Variants in RNMT observed in about 807,000 individuals in gnomAD.
The protein encoded by RNMT is RNA guanine-7 methyltransferase.
RNMT carries 27 observed loss-of-function variants against 56.0 expected under a neutral mutation model. That is an observed-to-expected ratio of 0.48 (90% CI 0.36 to 0.67). RNMT has a LOEUF of 0.67. Among genes scored for constraint, RNMT ranks in the 30% least tolerant of loss-of-function variants. The pLI is 0.00. For missense variants in RNMT, 519 were observed against 552.1 expected, an observed-to-expected ratio of 0.94 and a Z score of 0.60; for synonymous variants, 184 against 176.2, an observed-to-expected ratio of 1.04 and a Z score of -0.35.
rs139651273 is a variant in RNMT, at chr18:13,742,436, C to T, written c.975-52C>T. 904 of 1,540,558 alleles carry T rather than the reference C, an allele frequency of 5.9e-4. 3 individuals are homozygous for T. The highest frequency in any genetic ancestry group is 7.6e-4 in the Non-Finnish European group (855 of 1,121,608). On this transcript the variant is annotated intron_variant, in intron 7 of 11. Coordinates refer to ENST00000383314, the MANE Select transcript of RNMT (RefSeq NM_003799.3). ...GCATAATCTGATCAAAATAAGTCTA[C>T]ACTAATCACAATTTTAATCTTTTTA...
intron 3 of RNMT, among the ~76,000 whole-genome samples, chr18:13,733,857 A>T (rs932612028): frequency 1.8e-4 from 28 of 152,238 alleles, no homozygotes; most frequent in African/African-American, 6.5e-4. Flanking sequence ...ATTGACACTA[A>T]AATTAATGCA....
At chr18:13,753,830 C>CACACAG (rs756325583) in intron 10 of RNMT, among the ~76,000 whole-genome samples, 3 of 145,980 alleles carry the variant, frequency 2.1e-5, no homozygotes, top group African/African-American at 7.5e-5. Flanking sequence ...CACACACACA[C>CACACAG]ACACACACAC....
intron 9 of RNMT, among the ~76,000 whole-genome samples, chr18:13,749,706 A>T (rs570366316): frequency 3.9e-5 from 6 of 152,300 alleles, no homozygotes; most frequent in African/African-American, 1.2e-4. Context: ...TTTGATTTGC[A>T]TGTATCTGGT....
intron 2 of RNMT, 58 bp from the exon 3 acceptor site, chr18:13,731,418 A>AG: frequency 1.0e-6 from 1 of 987,530 alleles, no homozygotes; most frequent in Non-Finnish European, 1.5e-6. Context: ...CAAAAAAAAA[A>AG]AAAATTGTTT....
Position 13,761,866 on chromosome 18 carries a change from C to G in RNMT, c.*1887C>G. 1.7e-6 allele frequency: 2 copies of G among 1,170,970 alleles called. No individual in the cohort carries two copies. Among genetic ancestry groups the G allele is most frequent in the Non-Finnish European group, 2.1e-6 (2 of 946,430 alleles). 72.5% of individuals were successfully genotyped at this position (1,170,970 alleles called of 1,614,324 possible). On this transcript the variant is annotated 3_prime_UTR_variant, in exon 12 of 12. Transcript: ENST00000383314. Reference sequence around the variant, plus strand: ...ACACCCCCCTCCCCCCGGCCCCAAGCCCCTGTGTCTCCTTGTTACAATTAA... The same window carrying G: ...ACACCCCCCTCCCCCCGGCCCCAAGGCCCTGTGTCTCCTTGTTACAATTAA...
rs191407962 is a variant in RNMT, at chr18:13,747,252, C to T, written c.1257+915C>T. Among the ~76,000 whole-genome samples, 181 of 148,782 alleles carry T rather than the reference C, an allele frequency of 1.2e-3. 3 individuals are homozygous for T. The East Asian group carries it at 0.023, about 19-fold the overall frequency. ...TTTTTTGTTGTTAATGACAGGATCTCGCTCTGTTGCCCAGGCTGGAGTGCA... is the reference window on the plus strand; with the variant it reads ...TTTTTTGTTGTTAATGACAGGATCTTGCTCTGTTGCCCAGGCTGGAGTGCA... On this transcript the variant is annotated intron_variant, in intron 9 of 11. Coordinates refer to ENST00000383314, the MANE Select transcript of RNMT (RefSeq NM_003799.3).
chr18:13,731,884 A>C lies in RNMT; in HGVS notation c.367A>C (p.Thr123Pro). 1 of 1,604,418 alleles carries C rather than the reference A, an allele frequency of 6.2e-7. No individual in the cohort carries two copies. The change falls in exon 3 of 12, where the codon ACT becomes CCT. Residue 123 changes from threonine to proline, a missense_variant. Transcript: ENST00000383314. Reference sequence around the variant, plus strand: ...AGATAAATCTTCTACTGGAGATGGCACTCAAAATAAGAGAAAAATAGCACT... The same window carrying C: ...AGATAAATCTTCTACTGGAGATGGCCCTCAAAATAAGAGAAAAATAGCACT... ...PKDKSSTGDG[T>P]QNKRKIALED...
chr18:13,731,734 T>G lies in RNMT; in HGVS notation c.217T>G (p.Cys73Gly), dbSNP rs770201986. The G allele has an allele frequency of 3.0e-5, 48 of 1,613,024 alleles. No homozygotes were observed. Among genetic ancestry groups the G allele is most frequent in the Non-Finnish European group, 3.1e-5 (36 of 1,179,772 alleles). The change falls in exon 3 of 12, where the codon TGT becomes GGT. Residue 73 changes from cysteine to glycine, a missense_variant. By Grantham distance (159) the Cys-to-Gly change is radical. Transcript: ENST00000383314. ...TGATCTTGTAAAGGAAAGTTCTAGT[T>G]GTGGGAAAGACACTCCATCCAAGAA... ...EDDLVKESSSCGKDTPSKKRK... is the reference protein window; with the variant it reads ...EDDLVKESSSGGKDTPSKKRK...
chr18:13,754,143 T>C lies in RNMT; in HGVS notation c.1389T>C (p.Ala463=). Residue 463 remains alanine, a synonymous_variant, in exon 11 of 12, where the codon GCT becomes GCC. Coordinates refer to ENST00000383314, the MANE Select transcript of RNMT (RefSeq NM_003799.3). ...LGTLSKSEWE[A]TSIYLVFAFE... ...CCTTAAGTAAATCAGAATGGGAAGC[T>C]ACAAGTGAGTATATCATCAGCATAG... is the stretch of plus-strand genomic sequence containing the variant. 1 of 1,564,926 alleles carries C rather than the reference T, an allele frequency of 6.4e-7. No individual in the cohort carries two copies. The highest frequency in any genetic ancestry group is 8.8e-7 in the Non-Finnish European group (1 of 1,137,068).
At position 13,760,952 on chromosome 18, in the gene RNMT, T is replaced by C. The variant is rs2044611970; in HGVS notation, c.*973T>C. ...CTGACTGCTTTTCCAAAACTGGTAC[T>C]TATGTGAACTGTTGTCCTTGCTTTA... On this transcript the variant is annotated 3_prime_UTR_variant, in exon 12 of 12. Coordinates refer to ENST00000383314, the MANE Select transcript of RNMT (RefSeq NM_003799.3). 1 of 985,468 alleles carries C rather than the reference T, an allele frequency of 1.0e-6. No individual in the cohort carries two copies. The allele number at this position is 985,468 out of a possible 1,614,324, so 61.0% of individuals were successfully genotyped here. A position where few individuals can be genotyped will look rare whatever the true frequency, so the allele number is the denominator to read the frequency against.
intron 5 of RNMT, among the ~76,000 whole-genome samples, chr18:13,738,801 A>G (rs1484836416): frequency 6.6e-6 from 1 of 152,236 alleles, no homozygotes; most frequent in African/African-American, 2.4e-5. Context: ...TTGGCAACAA[A>G]TACACTGTCC....
intron 7 of RNMT, 35 bp from the exon 8 acceptor site, chr18:13,742,453 A>G (rs756404853): frequency 6.3e-7 from 1 of 1,597,966 alleles, no homozygotes. Context: ...CACAATTTTA[A>G]TCTTTTTATT....
chr18:13,731,635 G>A lies in RNMT; in HGVS notation c.118G>A (p.Gly40Arg), dbSNP rs201601149. ...FNINENTTAS[G>R]TGLSEKTSVC... ...TATTAATGAAAACACAACAGCTTCT[G>A]GGACTGGGCTTTCTGAAAAGACTTC... Residue 40 changes from glycine to arginine, a missense_variant, in exon 3 of 12, where the codon GGG (glycine) becomes AGG (arginine). Transcript: ENST00000383314. 1.2e-6 allele frequency: 2 copies of A among 1,614,044 alleles called. No homozygotes were observed. The highest frequency in any genetic ancestry group is 1.7e-6 in the Non-Finnish European group (2 of 1,179,984).
At chr18:13,733,261 T>G (rs1207832167) in intron 3 of RNMT, among the ~76,000 whole-genome samples, 5 of 152,132 alleles carry the variant, frequency 3.3e-5, no homozygotes. Context: ...TATCATGGCA[T>G]TTTTACAGGA....
Position 13,761,838 on chromosome 18 carries a change from C to A in RNMT, c.*1859C>A. On this transcript the variant is annotated 3_prime_UTR_variant, in exon 12 of 12. Transcript: ENST00000383314. ...GCCTTATCAGTTCTTCCTCCACCAC[C>A]CTACACCCCCCTCCCCCCGGCCCCA... 1 of 1,342,668 alleles carries A rather than the reference C, an allele frequency of 7.4e-7. No individual in the cohort carries two copies. The highest frequency in any genetic ancestry group is 1.6e-5 in the South Asian group (1 of 63,822). 83.2% of individuals were successfully genotyped at this position (1,342,668 alleles called of 1,614,324 possible). A position where few individuals can be genotyped will look rare whatever the true frequency, so the allele number is the denominator to read the frequency against.
intron 4 of RNMT, among the ~76,000 whole-genome samples, chr18:13,736,311 T>C (rs1471767100): frequency 6.6e-6 from 1 of 152,176 alleles, no homozygotes; most frequent in Non-Finnish European, 1.5e-5. Context: ...CAGTATTGTA[T>C]CAAGTTTTAG....
At chr18:13,727,950 C>T (rs530150519) in intron 1 of RNMT, among the ~76,000 whole-genome samples, 32 of 152,264 alleles carry the variant, frequency 2.1e-4, no homozygotes, top group African/African-American at 7.5e-4. Flanking sequence ...ACTAATATTC[C>T]ATTGTGTATA....
At chr18:13,743,717 A>T (rs572824197) in intron 8 of RNMT, among the ~76,000 whole-genome samples, 39 of 152,040 alleles carry the variant, frequency 2.6e-4, no homozygotes, top group Admixed American at 5.9e-4. Context: ...TTTGTTTTGA[A>T]TATTAACTGA....
chr18:13,742,723 T>G, intron 8 of RNMT, 71 bp downstream of exon 8: 5 of 1,156,800 alleles, frequency 4.3e-6, no homozygotes, highest in Non-Finnish European at 6.2e-6. Flanking sequence ...AAAAGCAATA[T>G]TTATTTTACT....
Sources: gnomAD v4.1 joint callset for allele counts (sites outside exome capture counted in the v4.1 genomes callset) on GRCh38, gnomAD v4.1.1 for gene constraint, MANE v1.5 for transcripts, NCBI Gene and HGNC (gene_info 2026-07-23, HGNC 2026-07-21) for gene names.